AOPEP: variants seen among roughly 807,000 people sequenced by gnomAD.
AOPEP encodes aminopeptidase O.
Under a neutral mutation model 98.1 loss-of-function variants are expected in AOPEP, and 77 were observed. The observed-to-expected ratio is 0.78, with a 90% CI of 0.65 to 0.95. The LOEUF is 0.95. AOPEP is among the 40% of genes least tolerant of loss of function. AOPEP has a pLI of 0.00. For missense variants in AOPEP, 1,024 were observed against 1,024.7 expected (o/e 1.00, Z 0.01); for synonymous variants, 346 against 365.3 (o/e 0.95, Z 0.60).
At chr9:95,073,573 C>A (rs556473021) in intron 14 of AOPEP, among the ~76,000 whole-genome samples, 2 of 149,322 alleles carry the variant, frequency 1.3e-5, no homozygotes, top group Non-Finnish European at 2.9e-5. Flanking sequence ...GTAATCCCAG[C>A]AGGCCGGGCG....
At chr9:94,975,258 GTAA>G (rs1009834970) in intron 10 of AOPEP, among the ~76,000 whole-genome samples, 13 of 151,486 alleles carry the variant, frequency 8.6e-5, no homozygotes, top group Admixed American at 2.6e-4. Context: ...ATAATAATAA[GTAA>G]TAATAATAAT....
chr9:95,033,079 T>G (rs907110790), intron 13 of AOPEP, among the ~76,000 whole-genome samples: 1 of 152,296 alleles, frequency 6.6e-6, no homozygotes, highest in African/African-American at 2.4e-5. Flanking sequence ...TGCCTACAGC[T>G]TCAGCCAGCG....
chr9:95,065,423 A>G (rs2067781524), intron 14 of AOPEP: 1 of 152,226 alleles, frequency 6.6e-6, no homozygotes, highest in South Asian at 2.1e-4. Context: ...GTGCCGGCCA[A>G]GGCGCCGGCA....
At chr9:95,128,252 A>G in the AOPEP span, among the ~76,000 whole-genome samples, 2 of 152,250 alleles carry the variant, frequency 1.3e-5, no homozygotes, top group South Asian at 2.1e-4. Flanking sequence ...AAGCAACCGT[A>G]TGTCTTGAAG....
intron 7 of AOPEP, among the ~76,000 whole-genome samples, chr9:94,947,845 C>T (rs1425710943): frequency 2.0e-5 from 3 of 152,102 alleles, no homozygotes; most frequent in African/African-American, 7.2e-5. Flanking sequence ...AAAGCAGAGG[C>T]GCATCTGACC....
chr9:94,936,341 G>A (rs1384056359), intron 7 of AOPEP, among the ~76,000 whole-genome samples: 1 of 152,006 alleles, frequency 6.6e-6, no homozygotes, highest in Non-Finnish European at 1.5e-5. Context: ...TCTCCCTCCA[G>A]GTAGCTCAGA....
At chr9:95,093,475 G>C in the AOPEP span, among the ~76,000 whole-genome samples, 1 of 152,250 alleles carries the variant, frequency 6.6e-6, no homozygotes, top group South Asian at 2.1e-4. Context: ...CTTCCCTTCA[G>C]GGCAGCGTTT....
chr9:94,999,783 G>GGTGT (rs137918117), intron 11 of AOPEP, among the ~76,000 whole-genome samples: 29 of 150,416 alleles, frequency 1.9e-4, no homozygotes, highest in Non-Finnish European at 3.1e-4. Context: ...TGACAATTGG[G>GGTGT]GTGTGTGTGT....
intron 4 of AOPEP, among the ~76,000 whole-genome samples, chr9:94,800,261 T>G (rs1255866037): frequency 6.6e-6 from 1 of 152,218 alleles, no homozygotes; most frequent in Non-Finnish European, 1.5e-5. Flanking sequence ...AGCCTGTAAC[T>G]TTCATTTGGT....
At chr9:95,147,866 T>C in the AOPEP span, among the ~76,000 whole-genome samples, 4 of 152,238 alleles carry the variant, frequency 2.6e-5, no homozygotes, top group Admixed American at 2.0e-4. Flanking sequence ...ACTGTATTGC[T>C]TGTACTTGTC....
the AOPEP span, chr9:95,135,221 C>T: frequency 5.6e-3 from 5,271 of 941,436 alleles, 179 homozygotes; most frequent in African/African-American, 0.071. Flanking sequence ...TGTAAATACA[C>T]GATTATATAT....
chr9:95,035,670 C>T (rs983657267), intron 13 of AOPEP, among the ~76,000 whole-genome samples: 2 of 151,796 alleles, frequency 1.3e-5, no homozygotes, highest in African/African-American at 4.8e-5. Flanking sequence ...AGGCATGCAC[C>T]ACCATGCCCG....
At chr9:94,802,464 T>G (rs1197025653) in intron 5 of AOPEP, among the ~76,000 whole-genome samples, 3 of 152,212 alleles carry the variant, frequency 2.0e-5, no homozygotes, top group African/African-American at 7.2e-5. Flanking sequence ...ACAGAATGAG[T>G]TGACCTGCAG....
chr9:95,002,617 T>C (rs2061637600), intron 11 of AOPEP, among the ~76,000 whole-genome samples: 1 of 152,206 alleles, frequency 6.6e-6, no homozygotes, highest in Admixed American at 6.5e-5. Flanking sequence ...AACTTAAAAC[T>C]GCTCTAAGAA....
At chr9:94,756,239 C>A (rs1837010953) in intron 1 of AOPEP, among the ~76,000 whole-genome samples, 1 of 139,946 alleles carries the variant, frequency 7.1e-6, no homozygotes, top group African/African-American at 2.7e-5. Flanking sequence ...CAGAGCAAGA[C>A]TCTGTCTCAA....
chr9:94,984,289 A>G (rs1194614355), intron 11 of AOPEP, among the ~76,000 whole-genome samples: 2 of 152,128 alleles, frequency 1.3e-5, no homozygotes. Context: ...TCAGCCTCTC[A>G]AAGTGCTGGG....
At chr9:94,880,903 A>G (rs748200005) in intron 5 of AOPEP, among the ~76,000 whole-genome samples, 43 of 152,184 alleles carry the variant, frequency 2.8e-4, no homozygotes, top group Non-Finnish European at 5.6e-4. Flanking sequence ...AACAAAAAGT[A>G]TCAACTCAGG....
chr9:94,910,789 G>T (rs1343961889), intron 5 of AOPEP, among the ~76,000 whole-genome samples: 1 of 152,172 alleles, frequency 6.6e-6, no homozygotes, highest in Non-Finnish European at 1.5e-5. Flanking sequence ...GATCTTGGGG[G>T]AGGGGCCAGT....
At chr9:95,027,037 G>A (rs2063897347) in intron 13 of AOPEP, among the ~76,000 whole-genome samples, 1 of 152,150 alleles carries the variant, frequency 6.6e-6, no homozygotes, top group Admixed American at 6.5e-5. Context: ...GAGGCGGGTG[G>A]ATCGCTTGAA....
Sources: allele counts gnomAD v4.1 joint callset (sites outside exome capture counted in the v4.1 genomes callset), GRCh38; gene constraint gnomAD v4.1.1; transcripts MANE v1.5; gene names NCBI Gene and HGNC (gene_info 2026-07-23, HGNC 2026-07-21).